Variants in FKBP10 observed in about 807,000 individuals in gnomAD.
The protein encoded by FKBP10 is peptidyl-prolyl cis-trans isomerase FKBP10.
FKBP10 carries 34 observed loss-of-function variants against 53.7 expected under a neutral mutation model. The observed-to-expected ratio is 0.63, with a 90% confidence interval of 0.48 to 0.84. The LOEUF (loss-of-function observed/expected upper bound fraction) is 0.84, where lower values mean the gene tolerates loss of function less well. FKBP10 is among the 40% of genes least tolerant of loss of function. FKBP10 has a pLI of 0.00. For missense variants in FKBP10, 748 were observed against 797.8 expected (o/e 0.94, Z 0.75); for synonymous variants, 324 against 335.7 (o/e 0.97, Z 0.38).
At chr17:41,821,563 G>A (rs2047891375) in intron 8 of FKBP10, 91 bp from the exon 9 acceptor site, 1 of 1,511,706 alleles carries the variant, frequency 6.6e-7, no homozygotes, top group Non-Finnish European at 9.0e-7. Flanking sequence ...CCCCAGGAGG[G>A]GAAACTGGCC....
rs1377453362 is a variant in FKBP10 at position 41,819,304 on chromosome 17, G to A, written c.822G>A (p.Glu274=). 1.2e-6 allele frequency: 2 copies of A among 1,614,006 alleles called. No individual in the cohort carries two copies. Among genetic ancestry groups the A allele is most frequent in the African/African-American group, 2.7e-5 (2 of 74,936 alleles). ...PKDAVQLETL[E]LPPGCVRRAG... ...ACGCTGTCCAGCTAGAGACGCTGGA[G>A]CTCCCCCCCGGCTGTGTCCGCAGAG... Residue 274 remains glutamate (E), a synonymous_variant, in exon 5 of 10, where the codon GAG becomes GAA. Transcript: ENST00000321562.
chr17:41,820,099 T>C, intron 6 of FKBP10, 170 bp from the exon 7 acceptor site: 1 of 1,208,840 alleles, frequency 8.3e-7, no homozygotes, highest in Non-Finnish European at 1.2e-6. Flanking sequence ...CCCTGCCCCC[T>C]GCCCCAGTGA....
At chr17:41,818,328 A>T in intron 3 of FKBP10, 50 bp downstream of exon 3, 1 of 1,613,954 alleles carries the variant, frequency 6.2e-7, no homozygotes, top group Non-Finnish European at 8.5e-7. Flanking sequence ...TGGCATGGGG[A>T]GCGGGAATCC....
At chr17:41,817,685 G>C (rs1022842559) in intron 2 of FKBP10, among the ~76,000 whole-genome samples, 6 of 150,850 alleles carry the variant, frequency 4.0e-5, no homozygotes, top group Admixed American at 3.3e-4. Context: ...CTGGAGTTTA[G>C]TGGTGCGATC....
Position 41,817,053 on chromosome 17 carries a change from C to T in FKBP10, c.246-5C>T, listed in dbSNP as rs140027863. The stretch of plus-strand genomic sequence containing the variant: ...ACTGTATCCCATCTGTCCCTCCCCC[C>T]CCAGCTATGATCGCAACACCTTGGT... On this transcript the variant is annotated splice_region_variant and splice_polypyrimidine_tract_variant and intron_variant, in intron 1 of 9. Coordinates refer to ENST00000321562, the MANE Select transcript of FKBP10 (RefSeq NM_021939.4). The T allele has an allele frequency of 6.2e-7, 1 of 1,614,046 alleles. No individual in the cohort carries two copies. The highest frequency in any genetic ancestry group is 1.7e-5 in the Admixed American group (1 of 60,024).
At chr17:41,822,148 C>T in intron 9 of FKBP10, 75 bp from the exon 10 acceptor site, 1 of 1,411,128 alleles carries the variant, frequency 7.1e-7, no homozygotes, top group South Asian at 1.2e-5. Context: ...CACTCACTGG[C>T]CTCCACCCGG....
intron 1 of FKBP10, among the ~76,000 whole-genome samples, chr17:41,815,753 C>T (rs2047808010): frequency 1.4e-5 from 2 of 144,372 alleles, no homozygotes; most frequent in African/African-American, 5.1e-5. Flanking sequence ...CTGCGCTCGG[C>T]CAGAAAACTT....
chr17:41,821,240 A>G, intron 8 of FKBP10, 151 bp downstream of exon 8: 7 of 1,067,828 alleles, frequency 6.6e-6, no homozygotes, highest in Non-Finnish European at 9.1e-6. Flanking sequence ...CTCCTGCCTC[A>G]GCCTCCCGAG....
chr17:41,813,084 T>G lies in FKBP10; in HGVS notation c.50T>G (p.Leu17Arg). Reference protein sequence around the residue: ...PSHSLLRLPLLQLLLLVVQAV... With the variant: ...PSHSLLRLPLRQLLLLVVQAV... ...CACAGCCTCCTCCGGCTCCCCCTGC[T>G]GCAGTTGCTGCTACTGGTGGTGCAG... The change falls in exon 1 of 10, where the codon CTG becomes CGG. Residue 17 changes from leucine to arginine, a missense_variant. By Grantham distance (102) the Leu-to-Arg change is moderately radical (BLOSUM62 -2). Transcript: ENST00000321562. 6.2e-7 allele frequency: 1 copy of G among 1,610,866 alleles called. No individual in the cohort carries two copies. The highest frequency in any genetic ancestry group is 8.5e-7 in the Non-Finnish European group (1 of 1,179,694).
At chr17:41,821,236 C>T in intron 8 of FKBP10, 147 bp downstream of exon 8, 1 of 1,094,158 alleles carries the variant, frequency 9.1e-7, no homozygotes, top group Non-Finnish European at 1.3e-6. Context: ...GATTCTCCTG[C>T]CTCAGCCTCC....
At chr17:41,820,806 T>A in intron 7 of FKBP10, 141 bp from the exon 8 acceptor site, 3 of 1,203,136 alleles carry the variant, frequency 2.5e-6, no homozygotes, top group Non-Finnish European at 3.4e-6. Context: ...GCTGGGCCCC[T>A]GCACTCTGCT....
At position 41,817,061 on chromosome 17, in the gene FKBP10, T is replaced by C. The variant is rs1555616169; in HGVS notation, c.249T>C (p.Tyr83=). The C allele has an allele frequency of 6.2e-7, 1 of 1,614,086 alleles. No individual in the cohort carries two copies. The highest frequency in any genetic ancestry group is 8.5e-7 in the Non-Finnish European group (1 of 1,180,042). The part of the protein sequence containing the change: ...FEDGKKFDSS[Y]DRNTLVAIVV... ...CCATCTGTCCCTCCCCCCCCAGCTA[T>C]GATCGCAACACCTTGGTGGCCATCG... Residue 83 remains tyrosine, a synonymous_variant, in exon 2 of 10, where the codon TAT becomes TAC. Transcript: ENST00000321562.
At chr17:41,818,955 CAAAAAA>C (rs11431436) in intron 4 of FKBP10, 24 of 266,902 alleles carry the variant, frequency 9.0e-5, no homozygotes, top group Admixed American at 1.3e-4. Context: ...GACTCTGTCT[CAAAAAA>C]AAAAAAAAAA....
rs76783837 is a variant in FKBP10 at position 41,819,476 on chromosome 17, G to A, written c.918-54G>A. The A allele has an allele frequency of 1.4e-5, 23 of 1,613,792 alleles. No homozygotes were observed. In the East Asian group the frequency reaches 4.9e-4, roughly 34 times the overall value. ...AGCTGGGGGTCACTCTGAGCTGCCT[G>A]GAAGGGGAGGGCCCCTTTGACTCCC... On this transcript the variant is annotated intron_variant, in intron 5 of 9. Transcript: ENST00000321562.
intron 7 of FKBP10, 112 bp from the exon 8 acceptor site, chr17:41,820,835 G>A: frequency 6.9e-7 from 1 of 1,451,490 alleles, no homozygotes; most frequent in Non-Finnish European, 9.3e-7. Context: ...CAAGTCACCA[G>A]TGGGAGTAAC....
In FKBP10 at chr17:41,813,083, C is replaced by A; in HGVS notation, c.49C>A (p.Leu17Met). The A allele has an allele frequency of 6.2e-7, 1 of 1,610,906 alleles. No individual in the cohort carries two copies. Among genetic ancestry groups the A allele is most frequent in the South Asian group, 1.1e-5 (1 of 91,018 alleles). ...PSHSLLRLPL[L>M]QLLLLVVQAV... The stretch of plus-strand genomic sequence containing the variant: ...CCACAGCCTCCTCCGGCTCCCCCTG[C>A]TGCAGTTGCTGCTACTGGTGGTGCA... The change falls in exon 1 of 10, where the codon CTG becomes ATG. Residue 17 changes from leucine (L) to methionine (M), a missense_variant. Transcript: ENST00000321562.
chr17:41,818,248 C>T lies in FKBP10; in HGVS notation c.551C>T (p.Thr184Ile). 1.2e-6 allele frequency: 2 copies of T among 1,613,590 alleles called. No individual in the cohort carries two copies. Among genetic ancestry groups the T allele is most frequent in the Non-Finnish European group, 1.7e-6 (2 of 1,180,012 alleles). Residue 184 changes from threonine to isoleucine, a missense_variant, in exon 3 of 10, where the codon ACC becomes ATC. Thr to Ile is a moderately conservative substitution (Grantham distance 89, BLOSUM62 -1). Transcript: ENST00000321562. ...GDFVRYHYNG[T>I]LLDGTSFDTS... ...TTTGTCCGCTACCACTACAATGGCA[C>T]CCTGCTGGACGGCACCTCCTTCGAC...
chr17:41,820,539 G>T, intron 7 of FKBP10, 78 bp downstream of exon 7: 5 of 1,455,292 alleles, frequency 3.4e-6, no homozygotes, highest in Non-Finnish European at 4.8e-6. Context: ...CACCCCCGAC[G>T]CCTGCTCCTC....
At chr17:41,821,585 A>T (rs2047891501) in intron 8 of FKBP10, 69 bp from the exon 9 acceptor site, 1 of 1,584,584 alleles carries the variant, frequency 6.3e-7, no homozygotes, top group Non-Finnish European at 8.6e-7. Flanking sequence ...GTGGGCTGGG[A>T]AACAGTGAAG....
Sources: allele counts gnomAD v4.1 joint callset (sites outside exome capture counted in the v4.1 genomes callset), GRCh38; gene constraint gnomAD v4.1.1; transcripts MANE v1.5; gene names NCBI Gene and HGNC (gene_info 2026-07-23, HGNC 2026-07-21).